Variants in PACRG observed in about 807,000 individuals in gnomAD.
PACRG encodes parkin coregulated.
In PACRG, 29 loss-of-function variants were observed where a neutral mutation model predicts 29.7. The observed-to-expected ratio is 0.98, with a 90% confidence interval of 0.73 to 1.33. PACRG has a LOEUF of 1.33. Ranked by LOEUF, PACRG falls within the 40% of genes most tolerant of loss-of-function variation. PACRG has a pLI of 0.00. For synonymous variants in PACRG, 116 were observed against 118.7 expected (o/e 0.98, Z 0.15); for missense variants, 279 against 316.2 (o/e 0.88, Z 0.89).
chr6:163,046,669 G>C (rs1162531818), intron 2 of PACRG: 1 of 151,960 alleles, frequency 6.6e-6, no homozygotes, highest in Non-Finnish European at 1.5e-5. Context: ...TCATTCTTTC[G>C]ACAAGCTGAT....
rs184443172 is a variant in PACRG at position 163,299,530 on chromosome 6, C to T, written c.614-15297C>T. 2.4e-3 allele frequency among the ~76,000 whole-genome samples: 373 copies of T among 152,282 alleles called. 4 individuals carry two copies. Among genetic ancestry groups the T allele is most frequent in the Non-Finnish European group, 8.8e-4 (60 of 68,018 alleles). ...CTCAGCACTTCCTCTGCCAGACTAC[C>T]TTGACTCCCCAAATTCCCACCACTG... On this transcript the variant is annotated intron_variant, in intron 4 of 4. Transcript: ENST00000366888.
chr6:162,843,439 TC>T (rs1229346608), intron 2 of PACRG, among the ~76,000 whole-genome samples: 1 of 140,948 alleles, frequency 7.1e-6, no homozygotes, highest in Non-Finnish European at 1.5e-5. Flanking sequence ...GCCTTGGTTT[TC>T]AGCTCCATCA....
At chr6:162,949,013 A>T (rs901390684) in intron 2 of PACRG, among the ~76,000 whole-genome samples, 1 of 152,104 alleles carries the variant, frequency 6.6e-6, no homozygotes, top group Non-Finnish European at 1.5e-5. Flanking sequence ...TGTTTATCCA[A>T]AAAAAAGGAA....
chr6:162,799,336 T>G (rs1419281543), intron 1 of PACRG, among the ~76,000 whole-genome samples: 2 of 152,252 alleles, frequency 1.3e-5, no homozygotes, highest in Non-Finnish European at 2.9e-5. Flanking sequence ...TCATCTTTTC[T>G]CCTTTTATAT....
rs566124063 is a variant in PACRG at position 163,049,632 on chromosome 6, AAAGAT to A, written c.292-12513_292-12509del. On this transcript the variant is annotated intron_variant, in intron 2 of 4. Transcript: ENST00000366888. ...ATGCCTCAGTAGAGAAAAAATGGCA[AAAGAT>A]AAGAAAATACAATTCTCAGAAAAGG... Among the ~76,000 whole-genome samples, 44 of 152,218 alleles carry A rather than the reference AAAGAT, an allele frequency of 2.9e-4. 1 individual carries two copies. In the South Asian group the frequency reaches 9.1e-3, roughly 32 times the overall value.
chr6:163,156,851 T>C (rs1778342060), intron 4 of PACRG, among the ~76,000 whole-genome samples: 2 of 152,148 alleles, frequency 1.3e-5, no homozygotes, highest in East Asian at 1.9e-4. Flanking sequence ...CTGACCGTTT[T>C]TCGTGTCATC....
intron 3 of PACRG, among the ~76,000 whole-genome samples, chr6:163,074,753 A>G (rs1266968332): frequency 1.3e-5 from 2 of 152,226 alleles, no homozygotes; most frequent in African/African-American, 4.8e-5. Flanking sequence ...CATACAATTA[A>G]GAGAACCAAA....
At chr6:163,313,790 G>A (rs565747303) in intron 4 of PACRG, 1 of 152,248 alleles carries the variant, frequency 6.6e-6, no homozygotes, top group Non-Finnish European at 1.5e-5. Flanking sequence ...GATAAGGCAG[G>A]ACACACTCAT....
At chr6:163,232,619 T>G (rs1311958021) in intron 4 of PACRG, among the ~76,000 whole-genome samples, 1 of 151,968 alleles carries the variant, frequency 6.6e-6, no homozygotes, top group African/African-American at 2.4e-5. Context: ...ACACTTATAC[T>G]TTGAGGGTGT....
chr6:163,179,314 C>G, intron 4 of PACRG: 1 of 452,536 alleles, frequency 2.2e-6, no homozygotes, highest in South Asian at 1.6e-5. Context: ...CTGCACCTTG[C>G]TGAGCCACTG....
chr6:163,041,723 G>A (rs1186616400), intron 2 of PACRG, among the ~76,000 whole-genome samples: 7 of 152,150 alleles, frequency 4.6e-5, no homozygotes, highest in East Asian at 1.9e-4. Context: ...CCATATACTC[G>A]AGTATTTTAT....
chr6:162,920,059 C>T (rs1796961480), intron 2 of PACRG, among the ~76,000 whole-genome samples: 1 of 152,100 alleles, frequency 6.6e-6, no homozygotes, highest in Admixed American at 6.5e-5. Context: ...CCTCTTCACT[C>T]ACAATCTCAT....
At chr6:163,282,470 G>C (rs1470132451) in intron 4 of PACRG, among the ~76,000 whole-genome samples, 1 of 152,164 alleles carries the variant, frequency 6.6e-6, no homozygotes, top group Non-Finnish European at 1.5e-5. Context: ...CAGTACTTTG[G>C]GAGGACGAGG....
chr6:163,314,818 A>T lies in PACRG; in HGVS notation c.614-9A>T, dbSNP rs1473209079. 6.2e-7 allele frequency: 1 copy of T among 1,612,942 alleles called. No homozygotes were observed. The highest frequency in any genetic ancestry group is 8.5e-7 in the Non-Finnish European group (1 of 1,179,652). The stretch of plus-strand genomic sequence containing the variant: ...GTAACTGGCCTCTTTGTGTGTTTGC[A>T]TGCACCAGTGAACTCCGGAGACGGC... On this transcript the variant is annotated splice_polypyrimidine_tract_variant and intron_variant, in intron 4 of 4. Coordinates refer to ENST00000366888, the MANE Select transcript of PACRG (RefSeq NM_001080379.2).
chr6:162,892,986 G>A (rs183465007), intron 2 of PACRG, among the ~76,000 whole-genome samples: 117 of 131,830 alleles, frequency 8.9e-4, no homozygotes, highest in Admixed American at 1.6e-3. Flanking sequence ...CCCACACCCC[G>A]GAGAAGAACC....
At chr6:162,834,959 A>G (rs1789094789) in intron 2 of PACRG, among the ~76,000 whole-genome samples, 1 of 152,116 alleles carries the variant, frequency 6.6e-6, no homozygotes, top group African/African-American at 2.4e-5. Flanking sequence ...AAGTTAAAAT[A>G]AACTATAAGA....
At chr6:162,816,387 C>G (rs1010091485) in intron 2 of PACRG, among the ~76,000 whole-genome samples, 1 of 152,172 alleles carries the variant, frequency 6.6e-6, no homozygotes, top group African/African-American at 2.4e-5. Context: ...GAGTCTCGCT[C>G]TGTCCCCCAG....
chr6:162,914,679 C>T (rs1030605471), intron 2 of PACRG, among the ~76,000 whole-genome samples: 2 of 150,158 alleles, frequency 1.3e-5, no homozygotes, highest in Admixed American at 1.3e-4. Flanking sequence ...TTACCAGTTC[C>T]AATCCATGAT....
At chr6:163,111,602 G>T (rs546658303) in intron 4 of PACRG, among the ~76,000 whole-genome samples, 4 of 152,224 alleles carry the variant, frequency 2.6e-5, no homozygotes, top group African/African-American at 9.6e-5. Context: ...TTTGCTTTTA[G>T]CCCCCTCCCT....
Sources: gnomAD v4.1 joint callset for allele counts (sites outside exome capture counted in the v4.1 genomes callset) on GRCh38, gnomAD v4.1.1 for gene constraint, MANE v1.5 for transcripts, NCBI Gene and HGNC (gene_info 2026-07-23, HGNC 2026-07-21) for gene names.